EYA1: variants seen among roughly 807,000 people sequenced by gnomAD.
The protein encoded by EYA1 is protein phosphatase EYA1.
EYA1 carries 16 observed loss-of-function variants against 82.0 expected under a neutral mutation model. That is an observed-to-expected ratio of 0.20 (90% CI 0.13 to 0.30). The LOEUF (loss-of-function observed/expected upper bound fraction) is 0.30, where lower values mean the gene tolerates loss of function less well. Among genes scored for constraint, EYA1 ranks in the 10% least tolerant of loss-of-function variants. The probability of loss-of-function intolerance (pLI) is 1.00; values close to 1 mark genes in which losing one functional copy is unlikely to be tolerated. For missense variants in EYA1, 633 were observed against 730.7 expected (o/e 0.87, Z 1.54); for synonymous variants, 261 against 264.4 (o/e 0.99, Z 0.12).
chr8:71,510,349 CAGTA>C (rs1046761006), intron 2 of EYA1, among the ~76,000 whole-genome samples: 3 of 152,140 alleles, frequency 2.0e-5, no homozygotes, highest in Non-Finnish European at 1.5e-5. Flanking sequence ...TGAGATGTTG[CAGTA>C]AGTCACTGAG....
chr8:71,291,089 G>A (rs796824439), intron 9 of EYA1, among the ~76,000 whole-genome samples: 43 of 152,300 alleles, frequency 2.8e-4, no homozygotes, highest in African/African-American at 1.0e-3. Context: ...TAGTAAAATG[G>A]AAGCATCAAG....
In EYA1 at chr8:71,354,880, G is replaced by A. The variant is rs766713665; in HGVS notation, c.26C>T (p.Pro9Leu). ...ACTACTACCACTCAGACGGCTATGC[G>A]GGCTGGTTAGATCCTGCATTTCCAT... The part of the protein sequence containing the change: MEMQDLTS[P>L]HSRLSGSSES... Residue 9 changes from proline to leucine, a missense_variant, in exon 3 of 18, where the codon CCG becomes CTG. Pro to Leu is a moderately conservative substitution (Grantham distance 98). Transcript: ENST00000340726. 72 of 1,613,242 alleles carry A rather than the reference G, an allele frequency of 4.5e-5. No homozygotes were observed. The highest frequency in any genetic ancestry group is 5.8e-5 in the Non-Finnish European group (68 of 1,179,512).
Position 71,292,166 on chromosome 8 carries a change from T to C in EYA1, c.826+6881A>G, listed in dbSNP as rs569442798. ...TCTATCACTCTTTTGAAAGAATATA[T>C]TTAGTTAGATTAGTAGTAATATGAC... On this transcript the variant is annotated intron_variant, in intron 9 of 17. Coordinates refer to ENST00000340726, the MANE Select transcript of EYA1 (RefSeq NM_000503.6). Among the ~76,000 whole-genome samples, 377 of 152,222 alleles carry C rather than the reference T, an allele frequency of 2.5e-3. 1 individual carries two copies. Among genetic ancestry groups the C allele is most frequent in the Non-Finnish European group, 3.5e-3 (239 of 67,938 alleles).
At chr8:71,346,058 GTCT>G (rs1825668060) in intron 3 of EYA1, among the ~76,000 whole-genome samples, 2 of 151,822 alleles carry the variant, frequency 1.3e-5, no homozygotes, top group Non-Finnish European at 2.9e-5. Flanking sequence ...CATTCGGAAT[GTCT>G]TCGTCACAGC....
At chr8:71,364,909 T>C (rs929788710), upstream of EYA1, among the ~76,000 whole-genome samples, 1 of 138,522 alleles carries the variant, frequency 7.2e-6, no homozygotes, top group Admixed American at 7.5e-5. Flanking sequence ...TGTTTTAGGT[T>C]AAGGGCATGA....
At chr8:71,246,857 C>A (rs946223006) in intron 11 of EYA1, among the ~76,000 whole-genome samples, 9 of 152,098 alleles carry the variant, frequency 5.9e-5, no homozygotes, top group Non-Finnish European at 1.2e-4. Context: ...GCCTGGAGGT[C>A]AACCCAACCC....
chr8:71,236,961 C>T (rs1811912974), intron 12 of EYA1, among the ~76,000 whole-genome samples: 1 of 152,168 alleles, frequency 6.6e-6, no homozygotes, highest in South Asian at 2.1e-4. Flanking sequence ...CAGCAATGTA[C>T]ACAAGTTTTC....
At chr8:71,272,486 T>A (rs971712538) in intron 9 of EYA1, among the ~76,000 whole-genome samples, 7 of 152,140 alleles carry the variant, frequency 4.6e-5, no homozygotes, top group African/African-American at 1.7e-4. Flanking sequence ...ACACTGTCCA[T>A]CACCGGCTCT....
At chr8:71,502,927 C>T (rs747972550) in intron 2 of EYA1, among the ~76,000 whole-genome samples, 5 of 152,176 alleles carry the variant, frequency 3.3e-5, no homozygotes, top group Admixed American at 6.5e-5. Context: ...TGGTGAGTTC[C>T]ACTCTGCCCC....
chr8:71,211,736 C>T lies in EYA1; in HGVS notation c.1598-480G>A, dbSNP rs181915106. ...TTGAGAATGATAAAAAATAACTGGA[C>T]TTGTTTTTGTTCTAGCAAGAAAACG... On this transcript the variant is annotated intron_variant, in intron 16 of 17. Coordinates refer to ENST00000340726, the MANE Select transcript of EYA1 (RefSeq NM_000503.6). 9.2e-4 allele frequency among the ~76,000 whole-genome samples: 140 copies of T among 152,272 alleles called. 3 individuals are homozygous for T. Among genetic ancestry groups the T allele is most frequent in the Non-Finnish European group, 8.8e-5 (6 of 68,012 alleles).
chr8:71,450,430 G>A (rs1807267100), intron 2 of EYA1, among the ~76,000 whole-genome samples: 1 of 152,178 alleles, frequency 6.6e-6, no homozygotes, highest in Non-Finnish European at 1.5e-5. Context: ...GGGAGAGCGG[G>A]TGGTAAGTGG....
intron 4 of EYA1, among the ~76,000 whole-genome samples, chr8:71,333,838 A>G (rs1824170105): frequency 6.6e-6 from 1 of 152,216 alleles, no homozygotes; most frequent in Non-Finnish European, 1.5e-5. Context: ...AGTAGAAGAA[A>G]GGAGAAGAAC....
At chr8:71,430,204 C>G (rs905338979) in intron 2 of EYA1, among the ~76,000 whole-genome samples, 1 of 152,172 alleles carries the variant, frequency 6.6e-6, no homozygotes, top group Non-Finnish European at 1.5e-5. Context: ...ATGTGCCAAC[C>G]ACTCTGCTAA....
intron 2 of EYA1, among the ~76,000 whole-genome samples, chr8:71,408,342 A>G (rs1352316634): frequency 6.6e-6 from 1 of 151,404 alleles, no homozygotes; most frequent in Admixed American, 6.6e-5. Flanking sequence ...AGCTAACATC[A>G]TAATGACAGG....
At chr8:71,486,471 G>C (rs1464945967) in intron 2 of EYA1, among the ~76,000 whole-genome samples, 1 of 152,168 alleles carries the variant, frequency 6.6e-6, no homozygotes, top group Non-Finnish European at 1.5e-5. Flanking sequence ...AAGAACCTGG[G>C]GGTCCTTTTT....
intron 9 of EYA1, among the ~76,000 whole-genome samples, chr8:71,281,667 C>A (rs1168438342): frequency 6.6e-6 from 1 of 152,212 alleles, no homozygotes; most frequent in Non-Finnish European, 1.5e-5. Flanking sequence ...GTGGCTAGGG[C>A]CAGTCTCCTG....
chr8:71,472,811 A>ATC (rs1563647976), intron 2 of EYA1, among the ~76,000 whole-genome samples: 12 of 147,850 alleles, frequency 8.1e-5, no homozygotes, highest in Middle Eastern at 3.6e-3. Context: ...ATATATATAT[A>ATC]TATCTGTCAG....
chr8:71,261,142 T>C (rs1464995021), intron 11 of EYA1, among the ~76,000 whole-genome samples: 2 of 152,118 alleles, frequency 1.3e-5, no homozygotes, highest in Non-Finnish European at 2.9e-5. Context: ...GGAAAAACTA[T>C]GCTGAAACAT....
intron 1 of EYA1, among the ~76,000 whole-genome samples, chr8:71,544,428 T>C (rs530528687): frequency 1.2e-3 from 176 of 152,264 alleles, no homozygotes; most frequent in African/African-American, 3.9e-3. Flanking sequence ...AGACTAACCT[T>C]CCAGCTCTGG....
Sources: allele counts gnomAD v4.1 joint callset (sites outside exome capture counted in the v4.1 genomes callset), GRCh38; gene constraint gnomAD v4.1.1; transcripts MANE v1.5; gene names NCBI Gene and HGNC (gene_info 2026-07-23, HGNC 2026-07-21).